CFLAR: variants seen among roughly 807,000 people sequenced by gnomAD.
CFLAR encodes the protein CASP8 and FADD-like apoptosis regulator.
CFLAR carries 14 observed loss-of-function variants against 51.1 expected under a neutral mutation model. That is an observed-to-expected ratio of 0.27 (90% CI 0.18 to 0.43). The LOEUF (loss-of-function observed/expected upper bound fraction) is 0.43. CFLAR is among the 20% of genes least tolerant of loss of function. The pLI, the probability that CFLAR is intolerant of heterozygous loss-of-function variation, is 1.00. For missense variants in CFLAR, 390 were observed against 566.5 expected, an observed-to-expected ratio of 0.69 and a Z score of 3.16; for synonymous variants, 210 against 211.6, an observed-to-expected ratio of 0.99 and a Z score of 0.06.
chr2:201,140,212 T>C, intron 4 of CFLAR, 145 bp from the exon 5 acceptor site: 2 of 925,364 alleles, frequency 2.2e-6, no homozygotes, highest in Non-Finnish European at 3.2e-6. Context: ...CGAAGAGTCA[T>C]CTGAAATTTT....
rs1230907699 is a variant in CFLAR, at chr2:201,170,600, T to C, written c.*6627T>C. 3 of 152,222 alleles carry C rather than the reference T, an allele frequency of 2.0e-5. No individual in the cohort carries two copies. In the East Asian group the frequency reaches 5.8e-4, roughly 29 times the overall value. 9.4% of individuals were successfully genotyped at this position (152,222 alleles called of 1,614,324 possible). On this transcript the variant is annotated 3_prime_UTR_variant, in exon 10 of 10. Transcript: ENST00000309955. ...ATACTTATTTAAATGGTTTTGAAAA[T>C]ATAGAAAGGCACAATTTCTTTTTAA...
Position 201,133,967 on chromosome 2 carries a change from C to T in CFLAR, c.387+833C>T, listed in dbSNP as rs113401105. 7.7e-3 allele frequency among the ~76,000 whole-genome samples: 1,132 copies of T among 146,984 alleles called. 21 individuals carry two copies. The highest frequency in any genetic ancestry group is 0.027 in the African/African-American group (1,075 of 39,670). The stretch of plus-strand genomic sequence containing the variant: ...AAAAAAAAAAATGAAGAAAAGAAGA[C>T]CAGGTAGTGGTGAAGATCTCGGGGA... On this transcript the variant is annotated intron_variant, in intron 3 of 9. Transcript: ENST00000309955.
At chr2:201,131,007 G>A (rs2049252455) in intron 2 of CFLAR, among the ~76,000 whole-genome samples, 1 of 152,140 alleles carries the variant, frequency 6.6e-6, no homozygotes, top group African/African-American at 2.4e-5. Flanking sequence ...CACTTCCTGC[G>A]CTTGGAGACA....
chr2:201,129,712 T>A lies in CFLAR; in HGVS notation c.-137-17T>A. 1 of 676,590 alleles carries A rather than the reference T, an allele frequency of 1.5e-6. No individual in the cohort carries two copies. Among genetic ancestry groups the A allele is most frequent in the Non-Finnish European group, 2.5e-6 (1 of 400,248 alleles). The allele number at this position is 676,590 out of a possible 1,614,324, so 41.9% of individuals were successfully genotyped here. ...TAGCTTGATAAGATTTTCAGAAAAA[T>A]TCCCTTTTAACCACAGAACTCCCCC... On this transcript the variant is annotated splice_polypyrimidine_tract_variant and intron_variant, in intron 1 of 9. Transcript: ENST00000309955.
chr2:201,126,897 G>T (rs998038026), intron 1 of CFLAR, among the ~76,000 whole-genome samples: 1 of 152,132 alleles, frequency 6.6e-6, no homozygotes, highest in African/African-American at 2.4e-5. Context: ...AATAATAATT[G>T]GCGATAGTCT....
chr2:201,130,187 G>GGGGGGGCC, intron 2 of CFLAR, 41 bp downstream of exon 2: 3 of 292,390 alleles, frequency 1.0e-5, no homozygotes, highest in East Asian at 9.3e-5. Context: ...GGGTGGGAGG[G>GGGGGGGCC]AGTGAAGTGT....
In CFLAR at chr2:201,138,250, T is replaced by C; in HGVS notation, c.524-2107T>C. 1.2e-6 allele frequency: 1 copy of C among 862,266 alleles called. No homozygotes were observed. The highest frequency in any genetic ancestry group is 2.0e-6 in the Non-Finnish European group (1 of 498,500). 53.4% of individuals were successfully genotyped at this position (862,266 alleles called of 1,614,324 possible). A position where few individuals can be genotyped will look rare whatever the true frequency, so the allele number is the denominator to read the frequency against. On this transcript the variant is annotated intron_variant, in intron 4 of 9. Transcript: ENST00000309955. The surrounding 1 kb of genome is among the most constrained non-coding windows in gnomAD (Gnocchi z 4.0). ...AGTTCCCTTGGGACGAGTCCAAGCC[T>C]ATGACATTGACGCCTACCTGGGTGA... is the stretch of plus-strand genomic sequence containing the variant.
At chr2:201,155,957 C>A (rs897756777) in intron 8 of CFLAR, among the ~76,000 whole-genome samples, 1 of 152,142 alleles carries the variant, frequency 6.6e-6, no homozygotes, top group Non-Finnish European at 1.5e-5. Flanking sequence ...GGGTCTTTTG[C>A]TGTATTTCCC....
In CFLAR at chr2:201,165,457, G is replaced by T. The variant is rs965373750; in HGVS notation, c.*1484G>T. ...GGCTAATTTTTGTATTTTTAGTGGA[G>T]ACAGGGTTTCCACCATGTTGGCCAG... On this transcript the variant is annotated 3_prime_UTR_variant, in exon 10 of 10. Transcript: ENST00000309955. The T allele has an allele frequency of 2.6e-5, 4 of 151,948 alleles. No individual in the cohort carries two copies. The highest frequency in any genetic ancestry group is 9.7e-5 in the African/African-American group (4 of 41,344). The allele number at this position is 151,948 out of a possible 1,614,324, so 9.4% of individuals were successfully genotyped here.
At position 201,124,665 on chromosome 2, in the gene CFLAR, T is replaced by C. The variant is rs2125623254; in HGVS notation, c.-137-5064T>C. Among the ~76,000 whole-genome samples, 1 of 152,104 alleles carries C rather than the reference T, an allele frequency of 6.6e-6. No individual in the cohort carries two copies. Among genetic ancestry groups the C allele is most frequent in the South Asian group, 2.1e-4 (1 of 4,820 alleles). On this transcript the variant is annotated intron_variant, in intron 1 of 9. Coordinates refer to ENST00000309955, the MANE Select transcript of CFLAR (RefSeq NM_003879.7). The surrounding 1 kb of genome is among the most constrained non-coding windows in gnomAD (Gnocchi z 4.7). The stretch of plus-strand genomic sequence containing the variant: ...AGGCATGAACTTTAGAAATTTCACT[T>C]AGATGGAAGGTAGATTTGGAGAGGG...
chr2:201,121,302 C>A (rs539365554), intron 1 of CFLAR, among the ~76,000 whole-genome samples: 1 of 152,256 alleles, frequency 6.6e-6, no homozygotes, highest in Non-Finnish European at 1.5e-5. Flanking sequence ...AGCTATACCC[C>A]CAGAGGAGAC....
At position 201,124,771 on chromosome 2, in the gene CFLAR, G is replaced by C. The variant is rs2048525296; in HGVS notation, c.-137-4958G>C. 6.6e-6 allele frequency among the ~76,000 whole-genome samples: 1 copy of C among 152,170 alleles called. No homozygotes were observed. The highest frequency in any genetic ancestry group is 2.4e-5 in the African/African-American group (1 of 41,428). On this transcript the variant is annotated intron_variant, in intron 1 of 9. Transcript: ENST00000309955. The surrounding 1 kb of genome is among the most constrained non-coding windows in gnomAD (Gnocchi z 4.7). Reference sequence around the variant, plus strand: ...CGGATGGTAGGCACCAGCATTTAAGGGACAGGTGCAGAAAGAGTATGCTGA... The same window carrying C: ...CGGATGGTAGGCACCAGCATTTAAGCGACAGGTGCAGAAAGAGTATGCTGA...
chr2:201,140,365 G>T lies in CFLAR; in HGVS notation c.532G>T (p.Ala178Ser), dbSNP rs766543869. ...CCCTTCTGCTTTTATAGTTCAAGGAGCAGGGACAAGTTACAGGAATGTTCT... is the reference window on the plus strand; with the variant it reads ...CCCTTCTGCTTTTATAGTTCAAGGATCAGGGACAAGTTACAGGAATGTTCT... ...IQKYKQSVQG[A>S]GTSYRNVLQA... The change falls in exon 5 of 10, where the codon GCA becomes TCA. Residue 178 changes from alanine to serine, a missense_variant. Physicochemically the swap from Ala to Ser is moderately conservative, Grantham distance 99. Around this residue, in one of 2 missense-constraint regions of CFLAR, gnomAD observed 287 missense variants for 363.6 expected, o/e 0.79. Transcript: ENST00000309955. The T allele has an allele frequency of 6.2e-6, 10 of 1,608,010 alleles. No homozygotes were observed. The highest frequency in any genetic ancestry group is 1.7e-4 in the Middle Eastern group (1 of 6,052).
intron 3 of CFLAR, among the ~76,000 whole-genome samples, chr2:201,134,320 T>G (rs529415783): frequency 4.3e-5 from 6 of 140,018 alleles, no homozygotes; most frequent in African/African-American, 1.6e-4. Flanking sequence ...AAAAAAAAAT[T>G]TTTTTTAACT....
intron 1 of CFLAR, among the ~76,000 whole-genome samples, chr2:201,127,719 G>C (rs535330770): frequency 4.6e-5 from 7 of 152,188 alleles, no homozygotes; most frequent in Admixed American, 4.6e-4. Context: ...GGCTCCACAC[G>C]GGATCTGTAG....
In CFLAR at chr2:201,166,703, G is replaced by C. The variant is rs969011894; in HGVS notation, c.*2730G>C. On this transcript the variant is annotated 3_prime_UTR_variant, in exon 10 of 10. Transcript: ENST00000309955. ...TTGAGCACTGAGTGGACGAGACTCT[G>C]CCCGCAATCCCGGCACCTCGGGAGG... 18 of 170,998 alleles carry C rather than the reference G, an allele frequency of 1.1e-4. No homozygotes were observed. Among genetic ancestry groups the C allele is most frequent in the Non-Finnish European group, 1.8e-4 (15 of 82,278 alleles). 10.6% of individuals were successfully genotyped at this position (170,998 alleles called of 1,614,324 possible). A position where few individuals can be genotyped will look rare whatever the true frequency, so the allele number is the denominator to read the frequency against.
At chr2:201,140,289 C>T in intron 4 of CFLAR, 68 bp from the exon 5 acceptor site, 1 of 1,568,548 alleles carries the variant, frequency 6.4e-7, no homozygotes, top group Non-Finnish European at 8.7e-7. Flanking sequence ...TGGACTGAAC[C>T]ACTATTGAAG....
rs79878406 is a variant in CFLAR at position 201,171,693 on chromosome 2, A to G, written c.*7720A>G. 1 of 144,858 alleles carries G rather than the reference A, an allele frequency of 6.9e-6. No individual in the cohort carries two copies. Among genetic ancestry groups the G allele is most frequent in the Non-Finnish European group, 1.5e-5 (1 of 65,138 alleles). 9.0% of individuals were successfully genotyped at this position (144,858 alleles called of 1,614,324 possible). A position where few individuals can be genotyped will look rare whatever the true frequency, so the allele number is the denominator to read the frequency against. ...TTTAGAGAATACAAAAAAAAAAAAA[A>G]AGATTCTTCAATGCATACACAATAA... On this transcript the variant is annotated 3_prime_UTR_variant, in exon 10 of 10. Transcript: ENST00000309955.
At chr2:201,141,229 TC>T in intron 5 of CFLAR, 1 of 1,125,626 alleles carries the variant, frequency 8.9e-7, no homozygotes, top group South Asian at 2.3e-5. Flanking sequence ...AAACTCTGTC[TC>T]AAAAAAAATG....
Sources: allele counts gnomAD v4.1 joint callset (sites outside exome capture counted in the v4.1 genomes callset), GRCh38; gene constraint gnomAD v4.1.1; regional missense constraint gnomAD v4.1.1; non-coding constraint Gnocchi (gnomAD v3.1); transcripts MANE v1.5; gene names NCBI Gene and HGNC (gene_info 2026-07-23, HGNC 2026-07-21).